The following THSD4 variants were observed in gnomAD, a reference collection of about 807,000 sequenced individuals.
THSD4 encodes the protein thrombospondin type 1 domain containing 4.
In THSD4, 69 loss-of-function variants were observed where a neutral mutation model predicts 119.0. The observed-to-expected ratio is 0.58, with a 90% CI of 0.48 to 0.71. The LOEUF (loss-of-function observed/expected upper bound fraction) is 0.71, where lower values mean the gene tolerates loss of function less well. THSD4 is among the 30% of genes least tolerant of loss of function. THSD4 has a pLI of 0.00. For missense variants in THSD4, 1,393 were observed against 1,391.1 expected (o/e 1.00, Z -0.02); for synonymous variants, 524 against 540.4 (o/e 0.97, Z 0.42).
intron 1 of THSD4, among the ~76,000 whole-genome samples, chr15:71,126,676 A>G (rs534959012): frequency 2.9e-4 from 44 of 152,386 alleles, no homozygotes; most frequent in Middle Eastern, 3.4e-3. Flanking sequence ...AGCGGCCATC[A>G]TAAAAATGCC....
chr15:71,536,735 T>A (rs2048693226), intron 7 of THSD4, among the ~76,000 whole-genome samples: 1 of 152,164 alleles, frequency 6.6e-6, no homozygotes, highest in Non-Finnish European at 1.5e-5. Flanking sequence ...TCCAAGTATA[T>A]AATATATTAT....
intron 9 of THSD4, 108 bp from the exon 10 acceptor site, chr15:71,731,013 A>G: frequency 2.1e-6 from 2 of 960,454 alleles, no homozygotes; most frequent in Admixed American, 1.9e-5. Context: ...GATGCGTACT[A>G]GAGTGAACCA....
chr15:71,431,535 C>T (rs756798356), intron 7 of THSD4, among the ~76,000 whole-genome samples: 4 of 152,076 alleles, frequency 2.6e-5, no homozygotes, highest in Non-Finnish European at 5.9e-5. Context: ...AATAATGATG[C>T]AATCGACAAG....
chr15:71,231,773 C>T (rs1253195115), intron 4 of THSD4, among the ~76,000 whole-genome samples: 1 of 152,094 alleles, frequency 6.6e-6, no homozygotes, highest in Non-Finnish European at 1.5e-5. Flanking sequence ...CTTTCGTTTT[C>T]ATCTTCTTAA....
chr15:71,768,549 C>G (rs528809345), intron 16 of THSD4, among the ~76,000 whole-genome samples: 20 of 149,402 alleles, frequency 1.3e-4, no homozygotes, highest in Admixed American at 6.1e-4. Context: ...GCAGACCTGA[C>G]GCAGATCCTG....
At chr15:71,474,470 C>T (rs1374372718) in intron 7 of THSD4, among the ~76,000 whole-genome samples, 4 of 152,146 alleles carry the variant, frequency 2.6e-5, no homozygotes, top group Admixed American at 6.5e-5. Flanking sequence ...ATCCACCCAC[C>T]GTGGCCTCCC....
chr15:71,478,296 T>C lies in THSD4; in HGVS notation c.1152+66473T>C, dbSNP rs1030843389. Among the ~76,000 whole-genome samples, 3 of 152,372 alleles carry C rather than the reference T, an allele frequency of 2.0e-5. No individual in the cohort carries two copies. In the East Asian group the frequency reaches 5.8e-4, roughly 29 times the overall value. Reference sequence around the variant, plus strand: ...TATGCTAACTCCATTCCTGACTTTCTTGTGTCTTCGTCTACTTATTTTAAT... The same window carrying C: ...TATGCTAACTCCATTCCTGACTTTCCTGTGTCTTCGTCTACTTATTTTAAT... On this transcript the variant is annotated intron_variant, in intron 7 of 17. Coordinates refer to ENST00000261862, the MANE Select transcript of THSD4 (RefSeq NM_024817.3).
At chr15:71,219,452 A>G (rs1446357648) in intron 4 of THSD4, among the ~76,000 whole-genome samples, 4 of 152,198 alleles carry the variant, frequency 2.6e-5, no homozygotes, top group Non-Finnish European at 5.9e-5. Context: ...TGGCTTGTTA[A>G]AAAGAGAGTT....
chr15:71,674,786 T>C (rs989417908), intron 8 of THSD4, among the ~76,000 whole-genome samples: 7 of 152,256 alleles, frequency 4.6e-5, no homozygotes, highest in African/African-American at 1.4e-4. Flanking sequence ...CGGGTGCTGC[T>C]GGCATCTGTC....
At position 71,727,531 on chromosome 15, in the gene THSD4, T is replaced by TAAAAAA. The variant is rs368424121; in HGVS notation, c.1358-1000_1358-995dup. Among the ~76,000 whole-genome samples the TAAAAAA allele has an allele frequency of 8.3e-4, 13 of 15,700 alleles. 1 individual carries two copies. Among genetic ancestry groups the TAAAAAA allele is most frequent in the African/African-American group, 4.0e-3 (13 of 3,280 alleles). 10.3% of individuals were successfully genotyped at this position (15,700 alleles called of 152,430 possible). A position where few individuals can be genotyped will look rare whatever the true frequency, so the allele number is the denominator to read the frequency against. ...GGCAACATGGCAAAACCCCATCTCT[T>TAAAAAA]AAAAAAAAAAAAAAAAAAAAAAATA... On this transcript the variant is annotated intron_variant, in intron 8 of 17. Coordinates refer to ENST00000261862, the MANE Select transcript of THSD4 (RefSeq NM_024817.3).
Position 71,206,454 on chromosome 15 carries a change from T to A in THSD4, c.100-8581T>A, listed in dbSNP as rs143704136. Among the ~76,000 whole-genome samples the A allele has an allele frequency of 3.2e-4, 49 of 152,342 alleles. No homozygotes were observed. In the East Asian group the frequency reaches 9.1e-3, roughly 28 times the overall value. ...AAAACTTTGTTCTCAGGGCTCAAAC[T>A]CCAAGGTGTATTTTTGAAACGTTTG... On this transcript the variant is annotated intron_variant, in intron 3 of 17. Transcript: ENST00000261862.
chr15:71,616,339 A>G (rs986761), intron 7 of THSD4, among the ~76,000 whole-genome samples: 28,870 of 152,142 alleles, frequency 0.19, 3,089 homozygotes, highest in Non-Finnish European at 0.24. Flanking sequence ...TCTGAGCATA[A>G]TCCTCTTATG....
intron 7 of THSD4, among the ~76,000 whole-genome samples, chr15:71,540,074 C>A (rs2048737147): frequency 6.6e-6 from 1 of 151,412 alleles, no homozygotes; most frequent in Non-Finnish European, 1.5e-5. Context: ...GCAAGGAGGA[C>A]TTGTGCATGG....
At chr15:71,716,655 G>A (rs28514767) in intron 8 of THSD4, among the ~76,000 whole-genome samples, 53,903 of 149,992 alleles carry the variant, frequency 0.36, 10,481 homozygotes, top group African/African-American at 0.51. Flanking sequence ...GTGGGGTGAT[G>A]CCAGGCCAGC....
At chr15:71,385,594 A>T (rs74876728) in intron 6 of THSD4, among the ~76,000 whole-genome samples, 3 of 254 alleles carry the variant, frequency 0.012, no homozygotes, top group African/African-American at 0.015. Flanking sequence ...TAAAGCGAAT[A>T]AATTTGAACC....
intron 3 of THSD4, among the ~76,000 whole-genome samples, chr15:71,181,681 T>C (rs1411815965): frequency 6.6e-6 from 1 of 152,248 alleles, no homozygotes; most frequent in African/African-American, 2.4e-5. Context: ...TTGACTTTAA[T>C]TGGTATTTCA....
chr15:71,653,419 G>A (rs528661420), intron 7 of THSD4, among the ~76,000 whole-genome samples: 1 of 152,294 alleles, frequency 6.6e-6, no homozygotes, highest in Admixed American at 6.5e-5. Context: ...TCTCAACTGA[G>A]GGTGATTTTG....
chr15:71,144,188 T>A (rs2040634221), intron 2 of THSD4, among the ~76,000 whole-genome samples: 1 of 152,208 alleles, frequency 6.6e-6, no homozygotes, highest in Non-Finnish European at 1.5e-5. Context: ...GACAGCTGAT[T>A]CTTTAGGAGA....
At chr15:71,619,693 A>T (rs2050386643) in intron 7 of THSD4, among the ~76,000 whole-genome samples, 1 of 152,150 alleles carries the variant, frequency 6.6e-6, no homozygotes. Context: ...TTATATTCAA[A>T]CATGTAACTC....
Sources: allele counts gnomAD v4.1 joint callset (sites outside exome capture counted in the v4.1 genomes callset), GRCh38; gene constraint gnomAD v4.1.1; transcripts MANE v1.5; gene names NCBI Gene and HGNC (gene_info 2026-07-23, HGNC 2026-07-21).